The following TNFSF4 variants were observed in gnomAD, a reference collection of about 807,000 sequenced individuals.
The protein encoded by TNFSF4 is tumor necrosis factor ligand superfamily member 4.
A neutral mutation model predicts 7.3 loss-of-function variants in TNFSF4; 4 were observed. The ratio of observed to expected loss-of-function variants is 0.55; its 90% CI spans 0.27 to 1.25. The LOEUF (loss-of-function observed/expected upper bound fraction) is 1.25, where lower values mean the gene tolerates loss of function less well. Ranked by LOEUF, TNFSF4 falls within the 50% of genes most tolerant of loss-of-function variation. The pLI is 0.12. For missense variants in TNFSF4, 181 were observed against 208.8 expected (o/e 0.87, Z 0.82); for synonymous variants, 76 against 83.7 (o/e 0.91, Z 0.50).
At chr1:173,305,971 C>T in the TNFSF4 span, among the ~76,000 whole-genome samples, 1 of 151,836 alleles carries the variant, frequency 6.6e-6, no homozygotes, top group Admixed American at 6.6e-5. Flanking sequence ...ATCACCCTTC[C>T]CTGGATGAAA....
chr1:173,450,354 T>C, the TNFSF4 span, among the ~76,000 whole-genome samples: 3 of 152,214 alleles, frequency 2.0e-5, no homozygotes, highest in East Asian at 1.9e-4. Context: ...TTACCAAACA[T>C]TGTGGAAGAA....
At chr1:173,244,408 C>T in the TNFSF4 span, among the ~76,000 whole-genome samples, 3 of 151,832 alleles carry the variant, frequency 2.0e-5, no homozygotes, top group East Asian at 1.9e-4. Flanking sequence ...TTTGGGAGGC[C>T]GAGGTGGGCG....
At chr1:173,343,072 C>T in the TNFSF4 span, among the ~76,000 whole-genome samples, 1 of 152,174 alleles carries the variant, frequency 6.6e-6, no homozygotes, top group African/African-American at 2.4e-5. Flanking sequence ...TTTCTCACAT[C>T]CTTGCCTTTG....
chr1:173,313,696 T>C, the TNFSF4 span, among the ~76,000 whole-genome samples: 1 of 152,078 alleles, frequency 6.6e-6, no homozygotes, highest in African/African-American at 2.4e-5. Context: ...CTATCGATAG[T>C]TCTCTTAATG....
chr1:173,422,729 T>A, the TNFSF4 span, among the ~76,000 whole-genome samples: 3 of 152,190 alleles, frequency 2.0e-5, no homozygotes, highest in Non-Finnish European at 4.4e-5. Flanking sequence ...GACAATTCAG[T>A]TCCCTTCTCT....
At chr1:173,321,105 A>C in the TNFSF4 span, among the ~76,000 whole-genome samples, 3 of 152,260 alleles carry the variant, frequency 2.0e-5, no homozygotes, top group Non-Finnish European at 4.4e-5. Context: ...TAACCAAAGC[A>C]GCATGGTACT....
At chr1:173,372,253 G>A in the TNFSF4 span, among the ~76,000 whole-genome samples, 2 of 152,116 alleles carry the variant, frequency 1.3e-5, no homozygotes. Context: ...GGGATCACTG[G>A]TTTTTGCTGA....
At chr1:173,273,126 G>A in the TNFSF4 span, among the ~76,000 whole-genome samples, 4 of 152,064 alleles carry the variant, frequency 2.6e-5, no homozygotes, top group South Asian at 2.1e-4. Context: ...GGTCTGCCAC[G>A]GTGGGCTTCA....
chr1:173,321,313 A>C, the TNFSF4 span, among the ~76,000 whole-genome samples: 1 of 152,238 alleles, frequency 6.6e-6, no homozygotes, highest in Non-Finnish European at 1.5e-5. Context: ...TTTATACCTT[A>C]TACAAAAATT....
At chr1:173,414,987 C>A in the TNFSF4 span, among the ~76,000 whole-genome samples, 1 of 152,204 alleles carries the variant, frequency 6.6e-6, no homozygotes, top group African/African-American at 2.4e-5. Context: ...GAGATTCTCT[C>A]ACCCTCAACA....
the TNFSF4 span, among the ~76,000 whole-genome samples, chr1:173,237,423 A>G: frequency 6.6e-6 from 1 of 152,332 alleles, no homozygotes; most frequent in African/African-American, 2.4e-5. Context: ...CAGGCAAGAG[A>G]AAGAAACAAA....
chr1:173,176,184 T>C, the TNFSF4 span, among the ~76,000 whole-genome samples: 1 of 152,156 alleles, frequency 6.6e-6, no homozygotes, highest in African/African-American at 2.4e-5. Flanking sequence ...TAACAAATCA[T>C]ATCCGTAAAA....
chr1:173,349,809 T>G, the TNFSF4 span, among the ~76,000 whole-genome samples: 111 of 152,286 alleles, frequency 7.3e-4, no homozygotes, highest in Non-Finnish European at 1.2e-3. Context: ...TAAAACAAAA[T>G]TATACACATG....
At chr1:173,392,422 C>G in the TNFSF4 span, among the ~76,000 whole-genome samples, 1 of 152,162 alleles carries the variant, frequency 6.6e-6, no homozygotes, top group Non-Finnish European at 1.5e-5. Flanking sequence ...CCAAACAACT[C>G]TCTGCATTAC....
chr1:173,408,619 G>A, the TNFSF4 span, among the ~76,000 whole-genome samples: 2 of 151,648 alleles, frequency 1.3e-5, no homozygotes, highest in South Asian at 2.1e-4. Context: ...TTTGAGACAG[G>A]GTCTCACTCC....
the TNFSF4 span, among the ~76,000 whole-genome samples, chr1:173,438,492 AT>A: frequency 1.3e-5 from 2 of 151,958 alleles, no homozygotes; most frequent in East Asian, 3.9e-4. Flanking sequence ...AGCTGATTGT[AT>A]TTTTTTCTTT....
rs1457255722 is a variant in TNFSF4 at position 173,192,098 on chromosome 1, AC to A, written c.154-3530del. Among the ~76,000 whole-genome samples, 3 of 152,114 alleles carry A rather than the reference AC, an allele frequency of 2.0e-5. No individual in the cohort carries two copies. In the East Asian group the frequency reaches 5.8e-4, roughly 29 times the overall value. ...AGGCTGAAGCACAAGAATCGCTTGA[AC>A]CCAGGAGACAGAGGTTGCAGTGAGC... is the stretch of plus-strand genomic sequence containing the variant. On this transcript the variant is annotated intron_variant, in intron 1 of 2. Coordinates refer to ENST00000281834, the MANE Select transcript of TNFSF4 (RefSeq NM_003326.5).
At chr1:173,289,887 T>C in the TNFSF4 span, among the ~76,000 whole-genome samples, 7 of 151,478 alleles carry the variant, frequency 4.6e-5, no homozygotes, top group African/African-American at 1.7e-4. Context: ...TATAGGGCAA[T>C]ATCAAGAAAT....
the TNFSF4 span, among the ~76,000 whole-genome samples, chr1:173,293,177 A>G: frequency 6.6e-6 from 1 of 152,108 alleles, no homozygotes; most frequent in Non-Finnish European, 1.5e-5. Flanking sequence ...AGCAAATAGA[A>G]CACAGCCAAA....
Sources: allele counts gnomAD v4.1 joint callset (sites outside exome capture counted in the v4.1 genomes callset), GRCh38; gene constraint gnomAD v4.1.1; transcripts MANE v1.5; gene names NCBI Gene and HGNC (gene_info 2026-07-23, HGNC 2026-07-21).